The following CFAP161 variants were observed in gnomAD, a reference collection of about 807,000 sequenced individuals.
CFAP161 encodes cilia and flagella associated protein 161, also known as cilia- and flagella-associated protein 161.
CFAP161 carries 25 observed loss-of-function variants against 29.0 expected under a neutral mutation model. The ratio of observed to expected loss-of-function variants is 0.86; its 90% CI spans 0.63 to 1.20. The LOEUF (loss-of-function observed/expected upper bound fraction) is 1.20. Among genes scored for constraint, CFAP161 ranks in the 50% most tolerant of loss-of-function variants. The pLI, the probability that CFAP161 is intolerant of heterozygous loss-of-function variation, is 0.00. For missense variants in CFAP161, 367 were observed against 371.9 expected, an observed-to-expected ratio of 0.99 and a Z score of 0.11; for synonymous variants, 116 against 137.4, an observed-to-expected ratio of 0.84 and a Z score of 1.09.
intron 4 of CFAP161, among the ~76,000 whole-genome samples, chr15:81,139,850 A>G (rs1894876612): frequency 6.6e-6 from 1 of 152,314 alleles, no homozygotes; most frequent in African/African-American, 2.4e-5. Context: ...GGGTGTACCA[A>G]TTTGCACTCT....
chr15:81,122,703 G>C (rs1339321847), intron 1 of CFAP161, among the ~76,000 whole-genome samples: 1 of 151,866 alleles, frequency 6.6e-6, no homozygotes, highest in Non-Finnish European at 1.5e-5. Flanking sequence ...TGTTGGCCAG[G>C]CTGGTCTCAA....
At chr15:81,102,997 G>A (rs1231449020) in intron 1 of CFAP161, among the ~76,000 whole-genome samples, 1 of 152,140 alleles carries the variant, frequency 6.6e-6, no homozygotes, top group Non-Finnish European at 1.5e-5. Flanking sequence ...AAATGTACCT[G>A]GGTTGAAAGA....
intron 1 of CFAP161, among the ~76,000 whole-genome samples, chr15:81,113,920 G>A (rs544809599): frequency 6.6e-6 from 1 of 152,266 alleles, no homozygotes; most frequent in East Asian, 1.9e-4. Flanking sequence ...TACCTGATTC[G>A]TATAAATTCA....
chr15:81,111,816 A>G (rs535221070), intron 1 of CFAP161, among the ~76,000 whole-genome samples: 4 of 152,206 alleles, frequency 2.6e-5, no homozygotes, highest in Non-Finnish European at 5.9e-5. Flanking sequence ...TATGTCATTT[A>G]AGTTTCAAAA....
At chr15:81,144,535 G>T (rs540509834) in intron 5 of CFAP161, among the ~76,000 whole-genome samples, 1 of 152,200 alleles carries the variant, frequency 6.6e-6, no homozygotes, top group African/African-American at 2.4e-5. Flanking sequence ...GACAGAGGTT[G>T]CAGTGAGCCA....
intron 5 of CFAP161, among the ~76,000 whole-genome samples, chr15:81,146,392 G>A (rs778606336): frequency 2.0e-4 from 31 of 152,124 alleles, no homozygotes; most frequent in Non-Finnish European, 4.0e-4. Flanking sequence ...CATTTCCAGA[G>A]AAAGCCATTG....
intron 4 of CFAP161, among the ~76,000 whole-genome samples, chr15:81,142,066 C>G (rs1364607605): frequency 6.6e-6 from 1 of 151,978 alleles, no homozygotes; most frequent in Non-Finnish European, 1.5e-5. Context: ...TATCTTGGGC[C>G]CATCTCCCTT....
chr15:81,119,640 T>A (rs1894545333), intron 1 of CFAP161, among the ~76,000 whole-genome samples: 1 of 152,184 alleles, frequency 6.6e-6, no homozygotes, highest in East Asian at 1.9e-4. Context: ...GAGAGAGACA[T>A]TTTTTGGGGC....
At chr15:81,125,903 T>C (rs1261276943) in intron 1 of CFAP161, among the ~76,000 whole-genome samples, 1 of 152,248 alleles carries the variant, frequency 6.6e-6, no homozygotes, top group African/African-American at 2.4e-5. Context: ...GGAGTCTCGC[T>C]CTGTTGCCTA....
intron 1 of CFAP161, among the ~76,000 whole-genome samples, chr15:81,126,116 A>G (rs565227557): frequency 1.3e-5 from 2 of 152,290 alleles, no homozygotes; most frequent in African/African-American, 4.8e-5. Context: ...TGATCCAGCC[A>G]GCTCAGCCTC....
intron 1 of CFAP161, among the ~76,000 whole-genome samples, chr15:81,103,594 G>A (rs1024495489): frequency 3.9e-5 from 6 of 152,142 alleles, no homozygotes; most frequent in South Asian, 2.1e-4. Flanking sequence ...TGGAAGCGCC[G>A]CGTCCCGTCC....
At chr15:81,142,349 C>T (rs994897451) in intron 4 of CFAP161, among the ~76,000 whole-genome samples, 4 of 151,990 alleles carry the variant, frequency 2.6e-5, no homozygotes, top group Middle Eastern at 6.8e-3. Context: ...AAGCACAGGT[C>T]TGGTCACCCC....
chr15:81,127,367 A>G (rs1045128667), intron 1 of CFAP161, among the ~76,000 whole-genome samples: 2 of 152,212 alleles, frequency 1.3e-5, no homozygotes, highest in African/African-American at 4.8e-5. Flanking sequence ...ATTTTAACCT[A>G]GGTGTGCAGA....
chr15:81,135,031 G>A (rs4633671), intron 1 of CFAP161, among the ~76,000 whole-genome samples: 3,350 of 152,228 alleles, frequency 0.022, 129 homozygotes, highest in African/African-American at 0.077. Context: ...TATCTGGCTG[G>A]AGTAATTACT....
intron 1 of CFAP161, among the ~76,000 whole-genome samples, chr15:81,100,678 G>A (rs1894292658): frequency 6.7e-6 from 1 of 148,802 alleles, no homozygotes; most frequent in South Asian, 2.1e-4. Flanking sequence ...AAGTTGGCCA[G>A]GTATTTCCTT....
intron 6 of CFAP161, 78 bp from the exon 7 acceptor site, chr15:81,148,260 C>T (rs1046496995): frequency 4.2e-5 from 58 of 1,384,026 alleles, no homozygotes; most frequent in Middle Eastern, 3.7e-4. Flanking sequence ...AAGGTGCTTT[C>T]GAGATTAAAT....
chr15:81,128,070 G>T (rs184688150), intron 2 of CFAP161, among the ~76,000 whole-genome samples: 39 of 152,322 alleles, frequency 2.6e-4, no homozygotes, highest in African/African-American at 9.1e-4. Flanking sequence ...CCTTGTAGAA[G>T]TATTTTTTGT....
At chr15:81,120,597 G>A (rs934448659) in intron 1 of CFAP161, among the ~76,000 whole-genome samples, 4 of 152,090 alleles carry the variant, frequency 2.6e-5, no homozygotes, top group Non-Finnish European at 4.4e-5. Flanking sequence ...GTGAGACCTC[G>A]TCTCCACACA....
In CFAP161 at chr15:81,107,215, C is replaced by T. The variant is rs115421090; in HGVS notation, c.-141-20375C>T. Among the ~76,000 whole-genome samples, 283 of 152,268 alleles carry T rather than the reference C, an allele frequency of 1.9e-3. 1 individual carries two copies. The highest frequency in any genetic ancestry group is 5.6e-3 in the African/African-American group (232 of 41,538). ...CATAATAATAAGCAGTAGTATTTAC[C>T]GAGTACTCACTGTGTCCTAGGTACT... is the stretch of plus-strand genomic sequence containing the variant. On this transcript the variant is annotated intron_variant, in intron 1 of 4. Transcript: ENST00000560091.
Sources: gnomAD v4.1 joint callset for allele counts (sites outside exome capture counted in the v4.1 genomes callset) on GRCh38, gnomAD v4.1.1 for gene constraint, MANE v1.5 for transcripts, NCBI Gene and HGNC (gene_info 2026-07-23, HGNC 2026-07-21) for gene names.